Variants in PGAP1 observed in about 807,000 individuals in gnomAD.
PGAP1 encodes post-GPI attachment to proteins inositol deacylase 1.
A neutral mutation model predicts 127.0 loss-of-function variants in PGAP1; 76 were observed. That is an observed-to-expected ratio of 0.60 (90% CI 0.50 to 0.72). The LOEUF is 0.72. Among genes scored for constraint, PGAP1 ranks in the 30% least tolerant of loss-of-function variants. The pLI is 0.00. For synonymous variants in PGAP1, 362 were observed against 366.5 expected (o/e 0.99, Z 0.14); for missense variants, 982 against 1,071.3 (o/e 0.92, Z 1.16).
chr2:196,866,995 C>T, intron 19 of PGAP1, among the ~76,000 whole-genome samples: 1 of 152,138 alleles, frequency 6.6e-6, no homozygotes, highest in South Asian at 2.1e-4. Flanking sequence ...ATATGCTGGA[C>T]AGGATGTGGA....
chr2:196,901,529 T>C (rs758927023), intron 5 of PGAP1, among the ~76,000 whole-genome samples: 3 of 152,178 alleles, frequency 2.0e-5, no homozygotes, highest in Non-Finnish European at 2.9e-5. Flanking sequence ...CTATGCATCT[T>C]CTCTTTAGGA....
At chr2:196,923,262 C>G (rs1001217231) in intron 1 of PGAP1, among the ~76,000 whole-genome samples, 4 of 152,066 alleles carry the variant, frequency 2.6e-5, no homozygotes, top group African/African-American at 9.7e-5. Context: ...TGCAATGTGT[C>G]CCAGCGCATT....
chr2:196,884,555 TTC>T (rs1701836955), intron 12 of PGAP1, among the ~76,000 whole-genome samples: 2 of 152,312 alleles, frequency 1.3e-5, no homozygotes, highest in Admixed American at 6.5e-5. Flanking sequence ...AAGTTTCTCA[TTC>T]TCTGTTTGTA....
At chr2:196,847,317 T>C (rs1425229923) in intron 21 of PGAP1, 117 bp from the exon 22 acceptor site, 7 of 738,002 alleles carry the variant, frequency 9.5e-6, no homozygotes, top group Non-Finnish European at 1.3e-5. Context: ...ACTTAATTTA[T>C]AATTATACTG....
At chr2:196,882,181 G>A (rs747947833) in intron 12 of PGAP1, among the ~76,000 whole-genome samples, 2 of 152,090 alleles carry the variant, frequency 1.3e-5, no homozygotes, top group Non-Finnish European at 2.9e-5. Context: ...TTATTTCTGG[G>A]TTCTCTATCC....
At chr2:196,866,838 A>G (rs1016011332) in intron 19 of PGAP1, among the ~76,000 whole-genome samples, 2 of 152,244 alleles carry the variant, frequency 1.3e-5, no homozygotes, top group African/African-American at 4.8e-5. Flanking sequence ...TCAAAAGAAG[A>G]CATTTATGTG....
chr2:196,873,342 T>C (rs1679443863), intron 16 of PGAP1, among the ~76,000 whole-genome samples, 186 bp downstream of exon 16: 1 of 152,032 alleles, frequency 6.6e-6, no homozygotes, highest in Admixed American at 6.6e-5. Flanking sequence ...CAGATAAAAA[T>C]GCTTTACTGT....
chr2:196,854,884 C>T (rs751836300), intron 20 of PGAP1, among the ~76,000 whole-genome samples: 2 of 152,072 alleles, frequency 1.3e-5, no homozygotes, highest in Non-Finnish European at 2.9e-5. Context: ...CTCAAGTGAT[C>T]CTCCCACCTC....
At chr2:196,859,454 T>C (rs1403215462) in intron 20 of PGAP1, among the ~76,000 whole-genome samples, 3 of 151,828 alleles carry the variant, frequency 2.0e-5, no homozygotes, top group African/African-American at 7.3e-5. Flanking sequence ...CTAATATCAA[T>C]ACTAGTCAAT....
intron 10 of PGAP1, among the ~76,000 whole-genome samples, chr2:196,888,597 T>C (rs1701993965): frequency 6.6e-6 from 1 of 151,904 alleles, no homozygotes; most frequent in African/African-American, 2.4e-5. Context: ...AAACATGTAA[T>C]ACATTTCTTT....
chr2:196,863,948 A>G (rs1701153493), intron 20 of PGAP1, among the ~76,000 whole-genome samples: 1 of 152,230 alleles, frequency 6.6e-6, no homozygotes. Context: ...CCCAACACAA[A>G]GAAATGGTAA....
intron 4 of PGAP1, among the ~76,000 whole-genome samples, chr2:196,905,803 C>T (rs1408641072): frequency 7.2e-6 from 1 of 139,250 alleles, no homozygotes; most frequent in African/African-American, 2.7e-5. Context: ...CGCAAGGGGT[C>T]AGGGAGTTCC....
chr2:196,846,638 T>C (rs918257913), intron 22 of PGAP1, among the ~76,000 whole-genome samples: 3 of 152,200 alleles, frequency 2.0e-5, no homozygotes, highest in Non-Finnish European at 2.9e-5. Flanking sequence ...CTGATCCTAA[T>C]ATCTGGTTTA....
chr2:196,861,879 T>G (rs1023679325), intron 20 of PGAP1, among the ~76,000 whole-genome samples: 1 of 151,614 alleles, frequency 6.6e-6, no homozygotes, highest in African/African-American at 2.4e-5. Context: ...TGTGATTTCC[T>G]AGGCCTGTCT....
intron 10 of PGAP1, among the ~76,000 whole-genome samples, chr2:196,888,901 CA>C (rs1400733774): frequency 6.6e-6 from 1 of 151,488 alleles, no homozygotes; most frequent in African/African-American, 2.4e-5. Context: ...ATTTTTCAGT[CA>C]AAAAAAGTGT....
In PGAP1 at chr2:196,838,047, A is replaced by C. The variant is rs1700284233; in HGVS notation, c.*3187T>G. ...TTAATTTCTGGCATAAAAAAGATCC[A>C]GGAAAAAAAACAGTGTTAGCAATCT... On this transcript the variant is annotated 3_prime_UTR_variant, in exon 27 of 27. Coordinates refer to ENST00000354764, the MANE Select transcript of PGAP1 (RefSeq NM_024989.4). The C allele has an allele frequency of 6.6e-6, 1 of 152,238 alleles. No individual in the cohort carries two copies. Among genetic ancestry groups the C allele is most frequent in the African/African-American group, 2.4e-5 (1 of 41,460 alleles). 9.4% of individuals were successfully genotyped at this position (152,238 alleles called of 1,614,324 possible). A position where few individuals can be genotyped will look rare whatever the true frequency, so the allele number is the denominator to read the frequency against.
intron 25 of PGAP1, 68 bp downstream of exon 25, chr2:196,843,820 G>T: frequency 9.9e-7 from 1 of 1,010,172 alleles, no homozygotes; most frequent in Non-Finnish European, 1.3e-6. Context: ...TAGGAATCTA[G>T]CAAGTCTCTA....
Position 196,926,625 on chromosome 2 carries a change from C to T in PGAP1, c.-9G>A, listed in dbSNP as rs1238940355. 6.2e-7 allele frequency: 1 copy of T among 1,613,342 alleles called. No homozygotes were observed. The highest frequency in any genetic ancestry group is 1.1e-5 in the South Asian group (1 of 91,068). On this transcript the variant is annotated 5_prime_UTR_variant, in exon 1 of 27. Coordinates refer to ENST00000354764, the MANE Select transcript of PGAP1 (RefSeq NM_024989.4). ...ACTGAGTGAAGAAACATGGTGCCGC[C>T]ACCACCGCCGCCGCCGCCGCCGCCC...
At position 196,852,269 on chromosome 2, in the gene PGAP1, C is replaced by T. The variant is rs75843803; in HGVS notation, c.1862-4232G>A. On this transcript the variant is annotated intron_variant, in intron 20 of 26. Transcript: ENST00000354764. ...TATGTACATGTATTGGCATAGTTGG[C>T]CAAAAATCCCCTAAGAAATTCTATT... Among the ~76,000 whole-genome samples the T allele has an allele frequency of 6.5e-3, 985 of 151,944 alleles. 6 individuals are homozygous for T. The highest frequency in any genetic ancestry group is 0.023 in the African/African-American group (933 of 41,448).
Sources: gnomAD v4.1 joint callset for allele counts (sites outside exome capture counted in the v4.1 genomes callset) on GRCh38, gnomAD v4.1.1 for gene constraint, MANE v1.5 for transcripts, NCBI Gene and HGNC (gene_info 2026-07-23, HGNC 2026-07-21) for gene names.